The following DKK2 variants were observed in gnomAD, a reference collection of about 807,000 sequenced individuals.
The protein encoded by DKK2 is dickkopf-related protein 2.
In DKK2, 11 loss-of-function variants were observed where a neutral mutation model predicts 28.1. The observed-to-expected ratio is 0.39, with a 90% CI of 0.25 to 0.65. The LOEUF is 0.65. Among genes scored for constraint, DKK2 ranks in the 30% least tolerant of loss-of-function variants. The probability of loss-of-function intolerance (pLI) is 0.47; values close to 1 mark genes in which losing one functional copy is unlikely to be tolerated. For synonymous variants in DKK2, 135 were observed against 126.5 expected, an observed-to-expected ratio of 1.07 and a Z score of -0.45; for missense variants, 326 against 335.5, an observed-to-expected ratio of 0.97 and a Z score of 0.22.
chr4:106,996,819 A>C (rs1723278134), intron 1 of DKK2, among the ~76,000 whole-genome samples: 1 of 152,176 alleles, frequency 6.6e-6, no homozygotes. Context: ...CTGAAAACCT[A>C]ATTTTAGTTT....
At chr4:106,925,271 T>A (rs1724408390) in intron 2 of DKK2, among the ~76,000 whole-genome samples, 1 of 152,214 alleles carries the variant, frequency 6.6e-6, no homozygotes, top group East Asian at 1.9e-4. Context: ...TTTTGCCACA[T>A]CTTGTCTGTG....
chr4:106,939,538 G>T lies in DKK2; in HGVS notation c.223-13589C>A, dbSNP rs1306796141. 2.0e-5 allele frequency among the ~76,000 whole-genome samples: 3 copies of T among 152,150 alleles called. No individual in the cohort carries two copies. The East Asian group carries it at 5.8e-4, about 29-fold the overall frequency. The stretch of plus-strand genomic sequence containing the variant: ...CATGAAAATGGCCATACGGCCCAAG[G>T]TAATTTACAGATTCAATGCCATCCC... On this transcript the variant is annotated intron_variant, in intron 1 of 3. Transcript: ENST00000285311.
At chr4:106,993,200 A>G (rs1444977087) in intron 1 of DKK2, among the ~76,000 whole-genome samples, 1 of 152,238 alleles carries the variant, frequency 6.6e-6, no homozygotes, top group East Asian at 1.9e-4. Flanking sequence ...GCTGGTGACT[A>G]TATTGCCTTG....
chr4:107,025,229 C>T (rs1723756056), intron 1 of DKK2, among the ~76,000 whole-genome samples: 1 of 152,092 alleles, frequency 6.6e-6, no homozygotes, highest in African/African-American at 2.4e-5. Context: ...AAAACACTGC[C>T]GATCTCCAAG....
chr4:107,007,362 T>G (rs1723451899), intron 1 of DKK2, among the ~76,000 whole-genome samples: 1 of 152,172 alleles, frequency 6.6e-6, no homozygotes, highest in Non-Finnish European at 1.5e-5. Context: ...ATCAGATTAT[T>G]TCTTCATATG....
intron 1 of DKK2, among the ~76,000 whole-genome samples, chr4:106,941,080 C>CACA (rs1724690931): frequency 6.6e-6 from 1 of 151,788 alleles, no homozygotes; most frequent in African/African-American, 2.4e-5. Flanking sequence ...GCACAATGTG[C>CACA]ACATGTACCC....
At chr4:106,937,966 G>A (rs1214557373) in intron 1 of DKK2, among the ~76,000 whole-genome samples, 11 of 143,862 alleles carry the variant, frequency 7.6e-5, no homozygotes, top group Admixed American at 7.6e-4. Context: ...CGCATTCAAA[G>A]CAGTGTGTAG....
intron 1 of DKK2, among the ~76,000 whole-genome samples, chr4:106,953,282 T>A (rs998011633): frequency 6.6e-6 from 1 of 152,186 alleles, no homozygotes; most frequent in Non-Finnish European, 1.5e-5. Context: ...TATCACTATG[T>A]GTTCACTACT....
intron 1 of DKK2, among the ~76,000 whole-genome samples, chr4:106,994,359 A>T (rs1380888654): frequency 6.6e-6 from 1 of 152,064 alleles, no homozygotes; most frequent in Non-Finnish European, 1.5e-5. Context: ...TCACTTATAC[A>T]ATTTTGGTCT....
chr4:106,999,433 G>A (rs1375694629), intron 1 of DKK2, among the ~76,000 whole-genome samples: 7 of 152,092 alleles, frequency 4.6e-5, no homozygotes, highest in Non-Finnish European at 1.0e-4. Context: ...TGCAACCTCC[G>A]CCTCCCAGGT....
intron 1 of DKK2, among the ~76,000 whole-genome samples, chr4:106,987,244 T>C (rs993364108): frequency 7.2e-5 from 11 of 152,202 alleles, no homozygotes; most frequent in African/African-American, 2.4e-4. Flanking sequence ...TGATTATTCT[T>C]AGTAGAGAAG....
chr4:106,978,282 G>A (rs776243884), intron 1 of DKK2, among the ~76,000 whole-genome samples: 17 of 152,300 alleles, frequency 1.1e-4, no homozygotes, highest in Non-Finnish European at 1.8e-4. Flanking sequence ...TTGGAGACCT[G>A]CTGCTCTCTT....
intron 1 of DKK2, among the ~76,000 whole-genome samples, chr4:107,001,337 A>C (rs1723356740): frequency 1.3e-5 from 2 of 152,184 alleles, no homozygotes; most frequent in Non-Finnish European, 2.9e-5. Context: ...CGAGAAAATA[A>C]ATTTCTGTTA....
chr4:107,001,424 G>A (rs187742754), intron 1 of DKK2, among the ~76,000 whole-genome samples: 142 of 152,212 alleles, frequency 9.3e-4, no homozygotes, highest in African/African-American at 3.2e-3. Flanking sequence ...CAATCCTAAA[G>A]GCTTTTCTCT....
intron 1 of DKK2, among the ~76,000 whole-genome samples, chr4:106,955,076 G>A (rs981516128): frequency 1.3e-5 from 2 of 152,044 alleles, no homozygotes; most frequent in Non-Finnish European, 1.5e-5. Context: ...ATGGGAATTT[G>A]ATTTATTCAT....
At chr4:106,987,575 G>A (rs1008685508) in intron 1 of DKK2, among the ~76,000 whole-genome samples, 2 of 151,694 alleles carry the variant, frequency 1.3e-5, no homozygotes, top group African/African-American at 4.9e-5. Flanking sequence ...ATCCCAACTA[G>A]CCACTCAGAC....
At chr4:106,952,706 T>C (rs1190622628) in intron 1 of DKK2, among the ~76,000 whole-genome samples, 1 of 152,124 alleles carries the variant, frequency 6.6e-6, no homozygotes, top group Non-Finnish European at 1.5e-5. Context: ...AATATAATGA[T>C]AATATGTTTA....
intron 1 of DKK2, among the ~76,000 whole-genome samples, chr4:106,991,362 T>C (rs1723201159): frequency 6.6e-6 from 1 of 152,152 alleles, no homozygotes; most frequent in Non-Finnish European, 1.5e-5. Flanking sequence ...TTCATCATGC[T>C]TCACTTCATG....
chr4:106,953,293 C>G (rs573417938), intron 1 of DKK2, among the ~76,000 whole-genome samples: 224 of 152,252 alleles, frequency 1.5e-3, no homozygotes, highest in South Asian at 3.7e-3. Context: ...GTTCACTACT[C>G]CAGAGTGGGT....
Sources: gnomAD v4.1 joint callset for allele counts (sites outside exome capture counted in the v4.1 genomes callset) on GRCh38, gnomAD v4.1.1 for gene constraint, MANE v1.5 for transcripts, NCBI Gene and HGNC (gene_info 2026-07-23, HGNC 2026-07-21) for gene names.